The following PCSK5 variants were observed in gnomAD, a reference collection of about 807,000 sequenced individuals.
PCSK5 encodes the protein proprotein convertase subtilisin/kexin type 5.
Under a neutral mutation model 233.2 loss-of-function variants are expected in PCSK5, and 129 were observed. The ratio of observed to expected loss-of-function variants is 0.55; its 90% CI spans 0.48 to 0.64. The LOEUF is 0.64. Among genes scored for constraint, PCSK5 ranks in the 30% least tolerant of loss-of-function variants. The pLI is 0.00. For synonymous variants in PCSK5, 825 were observed against 879.2 expected, an observed-to-expected ratio of 0.94 and a Z score of 1.09; for missense variants, 2,076 against 2,430.1, an observed-to-expected ratio of 0.85 and a Z score of 3.06.
At chr9:76,310,573 T>C in intron 29 of PCSK5, 83 bp from the exon 30 acceptor site, 2 of 919,076 alleles carry the variant, frequency 2.2e-6, no homozygotes, top group South Asian at 5.7e-5. Flanking sequence ...ACTTTGGTCT[T>C]TGGAAAGCTT....
chr9:76,202,904 C>CTTATA (rs1212197895), intron 20 of PCSK5, among the ~76,000 whole-genome samples: 1 of 151,926 alleles, frequency 6.6e-6, no homozygotes, highest in Non-Finnish European at 1.5e-5. Context: ...TGTCGTGAAC[C>CTTATA]TGGTAAAATA....
At chr9:76,003,606 C>A (rs1488541040) in intron 3 of PCSK5, among the ~76,000 whole-genome samples, 1 of 152,156 alleles carries the variant, frequency 6.6e-6, no homozygotes, top group Non-Finnish European at 1.5e-5. Flanking sequence ...AAATACAGTC[C>A]AAAATATTGC....
chr9:76,116,408 G>C (rs915985318), intron 9 of PCSK5, among the ~76,000 whole-genome samples: 2 of 152,030 alleles, frequency 1.3e-5, no homozygotes, highest in African/African-American at 4.8e-5. Context: ...TGAAGTAAAA[G>C]TTTATGTTGT....
chr9:76,115,740 A>G lies in PCSK5; in HGVS notation c.1208+8389A>G, dbSNP rs187236165. 2.0e-4 allele frequency among the ~76,000 whole-genome samples: 30 copies of G among 152,232 alleles called. 1 individual carries two copies. Among genetic ancestry groups the G allele is most frequent in the Admixed American group, 1.9e-3 (29 of 15,274 alleles). On this transcript the variant is annotated intron_variant, in intron 9 of 37. Transcript: ENST00000674117. Reference sequence around the variant, plus strand: ...AAGCGTATTAAAAGACTCATTGCATAATATATCATTGGATGGCTTCATCAA... The same window carrying G: ...AAGCGTATTAAAAGACTCATTGCATGATATATCATTGGATGGCTTCATCAA...
intron 7 of PCSK5, among the ~76,000 whole-genome samples, chr9:76,090,614 C>T (rs889175036): frequency 1.3e-5 from 2 of 152,132 alleles, no homozygotes; most frequent in Non-Finnish European, 2.9e-5. Context: ...CCTCTCTCCT[C>T]GTATTAGCCT....
chr9:76,264,508 G>T (rs986788693), intron 24 of PCSK5, among the ~76,000 whole-genome samples: 1 of 151,920 alleles, frequency 6.6e-6, no homozygotes, highest in African/African-American at 2.4e-5. Context: ...ACTATCAACA[G>T]AGTAAACAAA....
At chr9:75,901,752 G>C (rs1287025284) in intron 1 of PCSK5, among the ~76,000 whole-genome samples, 2 of 152,048 alleles carry the variant, frequency 1.3e-5, no homozygotes, top group Non-Finnish European at 2.9e-5. Flanking sequence ...AACAATTAAT[G>C]ATTGATGACT....
chr9:75,923,251 G>T (rs1823331411), intron 1 of PCSK5, among the ~76,000 whole-genome samples: 2 of 152,280 alleles, frequency 1.3e-5, no homozygotes, highest in Admixed American at 1.3e-4. Flanking sequence ...CATAAAATTA[G>T]AGTAATTCTC....
chr9:76,064,213 G>A (rs1830166890), intron 5 of PCSK5, among the ~76,000 whole-genome samples: 4 of 112,170 alleles, frequency 3.6e-5, no homozygotes, highest in Admixed American at 1.6e-4. Flanking sequence ...CCCGGACGGG[G>A]CGGCTGGCCG....
At chr9:75,944,759 C>T (rs375415467) in intron 2 of PCSK5, among the ~76,000 whole-genome samples, 2 of 152,084 alleles carry the variant, frequency 1.3e-5, no homozygotes, top group African/African-American at 4.8e-5. Context: ...TTTCTATCAC[C>T]GTTTACCTTC....
intron 25 of PCSK5, among the ~76,000 whole-genome samples, chr9:76,294,566 C>T (rs1169037411): frequency 2.0e-5 from 3 of 152,088 alleles, no homozygotes; most frequent in South Asian, 2.1e-4. Flanking sequence ...CCAGTCCCAC[C>T]GTTAGCTAGC....
intron 5 of PCSK5, among the ~76,000 whole-genome samples, chr9:76,041,703 G>T (rs1255915963): frequency 6.6e-6 from 1 of 151,850 alleles, no homozygotes; most frequent in Non-Finnish European, 1.5e-5. Flanking sequence ...AGCCAGGTGT[G>T]GTGGCTGTGC....
Position 76,358,948 on chromosome 9 carries a change from C to G in PCSK5, c.*26C>G. On this transcript the variant is annotated 3_prime_UTR_variant, in exon 38 of 38. Transcript: ENST00000674117. ...ACAGGCACTCCCCCACCAACACCAC[C>G]ATTCCACTCTCAGGCATGCCTGTGA... The G allele has an allele frequency of 1.3e-6, 2 of 1,597,820 alleles. No individual in the cohort carries two copies. Among genetic ancestry groups the G allele is most frequent in the Non-Finnish European group, 1.7e-6 (2 of 1,169,006 alleles).
chr9:76,323,116 T>A lies in PCSK5; in HGVS notation c.4167T>A (p.Tyr1389Ter), dbSNP rs1445228158. 6.2e-7 allele frequency: 1 copy of A among 1,612,104 alleles called. No individual in the cohort carries two copies. The highest frequency in any genetic ancestry group is 1.6e-4 in the Middle Eastern group (1 of 6,062). ...MCHQSCPRGF[Y>*]ADSRHCVPCH... Reference sequence around the variant, plus strand: ...ACCAGTCCTGTCCCCGTGGCTTCTATGCAGACTCGCGCCACTGTGTCCCCT... The same window carrying A: ...ACCAGTCCTGTCCCCGTGGCTTCTAAGCAGACTCGCGCCACTGTGTCCCCT... Residue 1389 changes from tyrosine (Y) to a stop codon, truncating the protein, a stop_gained, in exon 32 of 38, where the codon TAT becomes TAA. Transcript: ENST00000674117. LOFTEE classifies it high-confidence loss of function.
At chr9:76,127,130 A>C (rs1423419656) in intron 9 of PCSK5, among the ~76,000 whole-genome samples, 1 of 152,078 alleles carries the variant, frequency 6.6e-6, no homozygotes, top group Non-Finnish European at 1.5e-5. Context: ...GAAAACAGCT[A>C]TAAAGTAATT....
intron 26 of PCSK5, 30 bp from the exon 27 acceptor site, chr9:76,296,635 T>C (rs376637614): frequency 8.2e-4 from 1,237 of 1,508,760 alleles, no homozygotes; most frequent in Non-Finnish European, 1.1e-3. Context: ...CACTAAAGCC[T>C]TCATGCTTTC....
intron 3 of PCSK5, among the ~76,000 whole-genome samples, chr9:76,011,301 C>A (rs1193913311): frequency 2.0e-5 from 3 of 152,222 alleles, no homozygotes; most frequent in Non-Finnish European, 4.4e-5. Context: ...TCTGAAGCCT[C>A]TGCTACTTGC....
intron 2 of PCSK5, among the ~76,000 whole-genome samples, chr9:75,954,306 A>G (rs1824999259): frequency 6.6e-6 from 1 of 152,180 alleles, no homozygotes; most frequent in Non-Finnish European, 1.5e-5. Flanking sequence ...AATCACATCA[A>G]TACTCTGTCT....
At chr9:76,069,527 A>C (rs1830408579) in intron 6 of PCSK5, among the ~76,000 whole-genome samples, 2 of 152,050 alleles carry the variant, frequency 1.3e-5, no homozygotes, top group African/African-American at 4.8e-5. Context: ...TGAATAATAA[A>C]TTTAACCCCC....
Sources: allele counts gnomAD v4.1 joint callset (sites outside exome capture counted in the v4.1 genomes callset), GRCh38; gene constraint gnomAD v4.1.1; transcripts MANE v1.5; gene names NCBI Gene and HGNC (gene_info 2026-07-23, HGNC 2026-07-21).